Variants in PDE7B observed in about 807,000 individuals in gnomAD.
PDE7B encodes the protein 3',5'-cyclic-AMP phosphodiesterase 7B.
In PDE7B, 29 loss-of-function variants were observed where a neutral mutation model predicts 56.2. That is an observed-to-expected ratio of 0.52 (90% CI 0.38 to 0.70). The LOEUF is 0.70. PDE7B is among the 30% of genes least tolerant of loss of function. PDE7B has a pLI of 0.00. For missense variants in PDE7B, 490 were observed against 565.0 expected, an observed-to-expected ratio of 0.87 and a Z score of 1.35; for synonymous variants, 197 against 196.9, an observed-to-expected ratio of 1.00 and a Z score of 0.00.
intron 3 of PDE7B, among the ~76,000 whole-genome samples, chr6:136,128,390 A>G (rs143271749): frequency 1.9e-3 from 294 of 152,314 alleles, no homozygotes; most frequent in Non-Finnish European, 3.0e-3. Flanking sequence ...CAAAGAAACA[A>G]TATCAGTTAA....
chr6:136,046,728 C>T (rs537484472), intron 2 of PDE7B, among the ~76,000 whole-genome samples: 23 of 152,142 alleles, frequency 1.5e-4, no homozygotes, highest in African/African-American at 4.6e-4. Context: ...AAGGAAGCCT[C>T]AATGTGCCCA....
rs1273694326 is a variant in PDE7B at position 135,934,729 on chromosome 6, C to CA, written c.22-12724dup. ...TGGAGACAAGAGTGAAACTCTGTCTCAAAAAAAAAAATATATATATATATA... is the reference window on the plus strand; with the variant it reads ...TGGAGACAAGAGTGAAACTCTGTCTCAAAAAAAAAAAATATATATATATATA... On this transcript the variant is annotated intron_variant, in intron 1 of 12. Coordinates refer to ENST00000308191, the MANE Select transcript of PDE7B (RefSeq NM_018945.4). Among the ~76,000 whole-genome samples, 326 of 46,228 alleles carry CA rather than the reference C, an allele frequency of 7.1e-3. 1 individual carries two copies. The East Asian group carries it at 0.077, about 11-fold the overall frequency. 30.3% of individuals were successfully genotyped at this position (46,228 alleles called of 152,430 possible).
chr6:136,163,179 G>T (rs957556772), intron 8 of PDE7B, among the ~76,000 whole-genome samples: 2 of 152,200 alleles, frequency 1.3e-5, no homozygotes, highest in African/African-American at 2.4e-5. Flanking sequence ...TTCCATGAGG[G>T]TTCTGCCCCT....
At position 136,046,430 on chromosome 6, in the gene PDE7B, T is replaced by C. The variant is rs1583846791; in HGVS notation, c.83-62301T>C. On this transcript the variant is annotated intron_variant, in intron 2 of 12. Coordinates refer to ENST00000308191, the MANE Select transcript of PDE7B (RefSeq NM_018945.4). ...TGTTAATTAGCACCATGGTGGTCAG[T>C]CTCTTCTCGATTACTTCTTTTGAAT... is the stretch of plus-strand genomic sequence containing the variant. 2.0e-5 allele frequency: 3 copies of C among 152,304 alleles called. No homozygotes were observed. The South Asian group carries it at 6.2e-4, about 32-fold the overall frequency. The allele number at this position is 152,304 out of a possible 1,614,324, so 9.4% of individuals were successfully genotyped here.
intron 2 of PDE7B, among the ~76,000 whole-genome samples, chr6:135,989,575 T>C (rs552016370): frequency 9.3e-4 from 141 of 152,174 alleles, no homozygotes; most frequent in African/African-American, 3.3e-3. Flanking sequence ...GATGGTGCCA[T>C]TGCACTCCAG....
intron 2 of PDE7B, among the ~76,000 whole-genome samples, chr6:136,004,967 C>T (rs1236390387): frequency 6.6e-6 from 1 of 152,150 alleles, no homozygotes; most frequent in Non-Finnish European, 1.5e-5. Context: ...TACAAGGCTA[C>T]AGTAACCAAA....
intron 2 of PDE7B, among the ~76,000 whole-genome samples, chr6:136,095,296 T>C (rs1777455062): frequency 6.6e-6 from 1 of 152,170 alleles, no homozygotes; most frequent in African/African-American, 2.4e-5. Context: ...TTATATGATA[T>C]ATAAAGTATA....
At chr6:136,038,119 T>C (rs896754883) in intron 2 of PDE7B, 11 of 1,318,386 alleles carry the variant, frequency 8.3e-6, no homozygotes, top group Non-Finnish European at 1.1e-5. Context: ...AGGCTTGTCT[T>C]TCCGAAGCTG....
chr6:136,152,327 A>G (rs764216242), intron 6 of PDE7B, among the ~76,000 whole-genome samples: 1 of 152,224 alleles, frequency 6.6e-6, no homozygotes, highest in Non-Finnish European at 1.5e-5. Context: ...AATTTTCAAT[A>G]GGCTTTTTAA....
At chr6:136,003,968 A>T (rs1312835208) in intron 2 of PDE7B, among the ~76,000 whole-genome samples, 1 of 152,062 alleles carries the variant, frequency 6.6e-6, no homozygotes, top group Non-Finnish European at 1.5e-5. Context: ...ATACTGGCAA[A>T]CCGAATCCAG....
At chr6:135,934,742 A>G (rs1324632193) in intron 1 of PDE7B, among the ~76,000 whole-genome samples, 1 of 45,306 alleles carries the variant, frequency 2.2e-5, no homozygotes, top group Non-Finnish European at 5.8e-5. Flanking sequence ...AAAAAAAAAT[A>G]TATATATATA....
chr6:135,859,225 G>C (rs1031104175), intron 1 of PDE7B, among the ~76,000 whole-genome samples: 6 of 152,070 alleles, frequency 3.9e-5, no homozygotes, highest in African/African-American at 1.4e-4. Flanking sequence ...TTTAGAAAAG[G>C]TCATTAAATC....
intron 2 of PDE7B, among the ~76,000 whole-genome samples, chr6:136,080,129 A>G (rs1777183216): frequency 6.6e-6 from 1 of 152,200 alleles, no homozygotes; most frequent in African/African-American, 2.4e-5. Flanking sequence ...GAGCAAATAA[A>G]TAACCCTCTC....
chr6:136,084,868 G>T (rs1777264364), intron 2 of PDE7B, among the ~76,000 whole-genome samples: 1 of 152,018 alleles, frequency 6.6e-6, no homozygotes, highest in African/African-American at 2.4e-5. Context: ...AATTTGCAGG[G>T]GGTTCATTTC....
rs1685642351 is a variant in PDE7B at position 136,161,112 on chromosome 6, AAT to A, written c.711+5356_711+5357del. Among the ~76,000 whole-genome samples, 6 of 152,246 alleles carry A rather than the reference AAT, an allele frequency of 3.9e-5. No individual in the cohort carries two copies. In the South Asian group the frequency reaches 1.2e-3, roughly 32 times the overall value. The stretch of plus-strand genomic sequence containing the variant: ...TATATTTTACTCAAATATAATATAC[AAT>A]AGAGTATGTTGTCTGTACTCTCTAA... On this transcript the variant is annotated intron_variant, in intron 8 of 12. Coordinates refer to ENST00000308191, the MANE Select transcript of PDE7B (RefSeq NM_018945.4).
At chr6:136,020,397 A>G (rs760703028) in intron 2 of PDE7B, among the ~76,000 whole-genome samples, 1 of 152,242 alleles carries the variant, frequency 6.6e-6, no homozygotes, top group Non-Finnish European at 1.5e-5. Flanking sequence ...GTGTATCTGC[A>G]TATACATTTA....
chr6:136,080,751 A>G (rs1490000039), intron 2 of PDE7B, among the ~76,000 whole-genome samples: 1 of 152,210 alleles, frequency 6.6e-6, no homozygotes, highest in African/African-American at 2.4e-5. Context: ...GCTGTGTACT[A>G]GGGACAGAGC....
chr6:135,972,448 C>G (rs1375037915), intron 2 of PDE7B, among the ~76,000 whole-genome samples: 1 of 151,866 alleles, frequency 6.6e-6, no homozygotes, highest in Admixed American at 6.6e-5. Flanking sequence ...TGGGAAGGAA[C>G]AGAAGATTGT....
chr6:135,879,255 T>A (rs944394604), intron 1 of PDE7B, among the ~76,000 whole-genome samples: 1 of 152,116 alleles, frequency 6.6e-6, no homozygotes, highest in African/African-American at 2.4e-5. Context: ...TATAAAATAT[T>A]TTTTTCTCTA....
Sources: allele counts gnomAD v4.1 joint callset (sites outside exome capture counted in the v4.1 genomes callset), GRCh38; gene constraint gnomAD v4.1.1; transcripts MANE v1.5; gene names NCBI Gene and HGNC (gene_info 2026-07-23, HGNC 2026-07-21).